The following DOCK10 variants were observed in gnomAD, a reference collection of about 807,000 sequenced individuals.
DOCK10 encodes the protein dedicator of cytokinesis protein 10.
Under a neutral mutation model 280.1 loss-of-function variants are expected in DOCK10, and 145 were observed. The observed-to-expected ratio is 0.52, with a 90% confidence interval of 0.45 to 0.59. DOCK10 has a LOEUF of 0.59. DOCK10 is among the 20% of genes least tolerant of loss of function. The pLI is 0.00. For missense variants in DOCK10, 2,368 were observed against 2,651.7 expected (o/e 0.89, Z 2.35); for synonymous variants, 915 against 942.2 (o/e 0.97, Z 0.53).
At chr2:225,028,384 A>G (rs1328696420) in intron 1 of DOCK10, among the ~76,000 whole-genome samples, 1 of 152,188 alleles carries the variant, frequency 6.6e-6, no homozygotes, top group Non-Finnish European at 1.5e-5. Flanking sequence ...CCTCGGCCCT[A>G]CAGTCTCAAG....
intron 3 of DOCK10, among the ~76,000 whole-genome samples, chr2:224,898,135 G>T (rs376058688): frequency 6.6e-6 from 1 of 152,212 alleles, no homozygotes; most frequent in African/African-American, 2.4e-5. Flanking sequence ...AAGGATGGAG[G>T]GGGGTGGCCT....
chr2:224,807,330 AG>A (rs1318612720), intron 33 of DOCK10: 80 of 199,852 alleles, frequency 4.0e-4, no homozygotes, highest in South Asian at 8.2e-4. Flanking sequence ...TTCTGACACC[AG>A]GGGGGGATGT....
intron 28 of DOCK10, 143 bp from the exon 29 acceptor site, chr2:224,819,672 G>A: frequency 1.9e-6 from 1 of 532,564 alleles, no homozygotes; most frequent in South Asian, 3.6e-5. Flanking sequence ...ATCTTCTAAA[G>A]ATGTTTAAGC....
At chr2:224,873,856 A>T (rs1030728841) in intron 11 of DOCK10, 140 bp downstream of exon 11, 32 of 830,816 alleles carry the variant, frequency 3.9e-5, no homozygotes, top group Non-Finnish European at 5.8e-5. Flanking sequence ...GTAATGTGGG[A>T]AAAGGCTGTT....
chr2:224,903,057 C>T (rs1378233573), intron 3 of DOCK10, among the ~76,000 whole-genome samples: 1 of 152,228 alleles, frequency 6.6e-6, no homozygotes, highest in Non-Finnish European at 1.5e-5. Context: ...GAGATTGCGC[C>T]ACTGCTCTCC....
At chr2:225,041,864 G>A (rs1690436824) in intron 1 of DOCK10, among the ~76,000 whole-genome samples, 1 of 152,134 alleles carries the variant, frequency 6.6e-6, no homozygotes, top group Non-Finnish European at 1.5e-5. Flanking sequence ...GGACTCAGGG[G>A]TTCTGTTCTG....
chr2:224,899,875 G>T (rs1421176512), intron 3 of DOCK10, among the ~76,000 whole-genome samples: 1 of 152,210 alleles, frequency 6.6e-6, no homozygotes, highest in Non-Finnish European at 1.5e-5. Context: ...AAAATAGAGG[G>T]TACAGCCTTG....
chr2:224,976,394 A>T (rs1293044526), intron 1 of DOCK10, among the ~76,000 whole-genome samples: 1 of 152,208 alleles, frequency 6.6e-6, no homozygotes, highest in Non-Finnish European at 1.5e-5. Context: ...CAGAACTTAA[A>T]GTAAAATAAT....
At chr2:224,993,524 A>G (rs1158003958) in intron 1 of DOCK10, among the ~76,000 whole-genome samples, 1 of 152,252 alleles carries the variant, frequency 6.6e-6, no homozygotes, top group Non-Finnish European at 1.5e-5. Context: ...TGGCATTAGC[A>G]GTCATGGGAG....
At chr2:224,951,368 T>G (rs1703716505) in intron 1 of DOCK10, among the ~76,000 whole-genome samples, 1 of 152,240 alleles carries the variant, frequency 6.6e-6, no homozygotes, top group South Asian at 2.1e-4. Flanking sequence ...TACATATATA[T>G]GCATGCATAT....
chr2:224,772,841 T>C lies in DOCK10; in HGVS notation c.6204+316A>G, dbSNP rs79874375. 1.5e-3 allele frequency among the ~76,000 whole-genome samples: 231 copies of C among 152,342 alleles called. 3 individuals carry two copies. The East Asian group carries it at 0.043, about 28-fold the overall frequency. The stretch of plus-strand genomic sequence containing the variant: ...TCTTAATGACAGATATGTACAAGAA[T>C]GTGGTGTTTCTTCATTAGTTAATTC... On this transcript the variant is annotated intron_variant, in intron 53 of 55. Transcript: ENST00000258390.
intron 11 of DOCK10, among the ~76,000 whole-genome samples, chr2:224,866,168 C>T (rs1423179954): frequency 6.6e-6 from 1 of 152,178 alleles, no homozygotes; most frequent in Non-Finnish European, 1.5e-5. Context: ...TCTAGGACTA[C>T]TCATTGTATT....
chr2:224,894,647 G>A (rs948019704), intron 4 of DOCK10, among the ~76,000 whole-genome samples: 10 of 152,212 alleles, frequency 6.6e-5, no homozygotes, highest in Non-Finnish European at 7.3e-5. Flanking sequence ...ACATGAAGTT[G>A]CAAGAGCTTG....
intron 11 of DOCK10, among the ~76,000 whole-genome samples, chr2:224,873,453 C>T (rs911165426): frequency 6.6e-6 from 1 of 151,794 alleles, no homozygotes; most frequent in African/African-American, 2.4e-5. Context: ...CATGGTGGTG[C>T]GTGCCTGTAG....
At chr2:224,886,009 A>G in intron 6 of DOCK10, 54 bp downstream of exon 6, 1 of 1,609,682 alleles carries the variant, frequency 6.2e-7, no homozygotes, top group Non-Finnish European at 8.5e-7. Context: ...TGACCAGAGG[A>G]GGGAGTGTTA....
rs770548693 is a variant in DOCK10 at position 225,014,076 on chromosome 2, A to AATAT, written c.123+28172_123+28175dup. ...TATTCAAAAAATCCCCAGAAGTCTGAATATATTGTTTTTTTTTTTTTGTTT... is the reference window on the plus strand; with the variant it reads ...TATTCAAAAAATCCCCAGAAGTCTGAATATATATATTGTTTTTTTTTTTTTGTTT... On this transcript the variant is annotated intron_variant, in intron 1 of 55. Transcript: ENST00000258390. Among the ~76,000 whole-genome samples, 123 of 87,816 alleles carry AATAT rather than the reference A, an allele frequency of 1.4e-3. 7 individuals are homozygous for AATAT. Among genetic ancestry groups the AATAT allele is most frequent in the Middle Eastern group, 7.6e-3 (1 of 132 alleles). 57.6% of individuals were successfully genotyped at this position (87,816 alleles called of 152,430 possible).
At chr2:224,811,908 G>A (rs1693810396) in intron 31 of DOCK10, among the ~76,000 whole-genome samples, 1 of 152,094 alleles carries the variant, frequency 6.6e-6, no homozygotes, top group Non-Finnish European at 1.5e-5. Flanking sequence ...ATAGTTTGAA[G>A]TCAGGTAGCG....
At chr2:224,797,801 C>T in intron 42 of DOCK10, 31 bp downstream of exon 42, 1 of 1,606,150 alleles carries the variant, frequency 6.2e-7, no homozygotes, top group Non-Finnish European at 8.5e-7. Flanking sequence ...GTCATCCTAC[C>T]TAAACTTCAT....
intron 2 of DOCK10, among the ~76,000 whole-genome samples, chr2:224,922,944 T>C (rs1235739454): frequency 1.3e-5 from 2 of 152,242 alleles, no homozygotes; most frequent in Admixed American, 1.3e-4. Context: ...ACCCTCAGCA[T>C]GTGTTTAAAA....
Sources: allele counts gnomAD v4.1 joint callset (sites outside exome capture counted in the v4.1 genomes callset), GRCh38; gene constraint gnomAD v4.1.1; transcripts MANE v1.5; gene names NCBI Gene and HGNC (gene_info 2026-07-23, HGNC 2026-07-21).